CCSER1: variants seen among roughly 807,000 people sequenced by gnomAD.
CCSER1 encodes serine-rich coiled-coil domain-containing protein 1.
A neutral mutation model predicts 82.0 loss-of-function variants in CCSER1; 41 were observed. That is an observed-to-expected ratio of 0.50 (90% CI 0.39 to 0.65). The LOEUF (loss-of-function observed/expected upper bound fraction) is 0.65, where lower values mean the gene tolerates loss of function less well. CCSER1 is among the 30% of genes least tolerant of loss of function. The probability of loss-of-function intolerance (pLI) is 0.00; values close to 1 mark genes in which losing one functional copy is unlikely to be tolerated. For missense variants in CCSER1, 1,119 were observed against 1,064.2 expected (o/e 1.05, Z -0.72); for synonymous variants, 414 against 383.9 (o/e 1.08, Z -0.92).
intron 1 of CCSER1, among the ~76,000 whole-genome samples, chr4:90,259,871 A>C (rs1388786742): frequency 6.6e-6 from 1 of 152,030 alleles, no homozygotes; most frequent in Admixed American, 6.6e-5. Flanking sequence ...GTGAGCTAGT[A>C]TTTTGTTGAT....
At chr4:90,361,282 T>C (rs1291934196) in intron 3 of CCSER1, among the ~76,000 whole-genome samples, 2 of 152,228 alleles carry the variant, frequency 1.3e-5, no homozygotes, top group Non-Finnish European at 2.9e-5. Flanking sequence ...TATTAGCAAC[T>C]ATTGTGAGTG....
intron 10 of CCSER1, among the ~76,000 whole-genome samples, chr4:91,189,262 T>G (rs1331168371): frequency 6.6e-6 from 1 of 152,198 alleles, no homozygotes; most frequent in Non-Finnish European, 1.5e-5. Context: ...AACTGTTACC[T>G]TTTCTTTATT....
At chr4:91,309,661 G>T (rs1055260141) in intron 10 of CCSER1, among the ~76,000 whole-genome samples, 6 of 151,952 alleles carry the variant, frequency 3.9e-5, no homozygotes, top group African/African-American at 1.4e-4. Context: ...TACTCTACAA[G>T]GAACAACCAA....
intron 10 of CCSER1, among the ~76,000 whole-genome samples, chr4:91,089,946 G>A (rs1027315480): frequency 1.3e-5 from 2 of 152,138 alleles, no homozygotes. Context: ...AGTCTATTTT[G>A]GTAGATAGTA....
chr4:91,257,269 GT>G (rs1472239966), intron 10 of CCSER1, among the ~76,000 whole-genome samples: 1 of 152,006 alleles, frequency 6.6e-6, no homozygotes, highest in Non-Finnish European at 1.5e-5. Context: ...ACGTCCCAAA[GT>G]AGTCCACTAA....
intron 10 of CCSER1, among the ~76,000 whole-genome samples, chr4:91,211,335 A>G (rs1370494747): frequency 6.6e-6 from 1 of 152,046 alleles, no homozygotes; most frequent in African/African-American, 2.4e-5. Flanking sequence ...TCGAGTGTGT[A>G]GGAAAGACAG....
At chr4:91,231,084 T>C (rs1560532193) in intron 10 of CCSER1, among the ~76,000 whole-genome samples, 1 of 151,892 alleles carries the variant, frequency 6.6e-6, no homozygotes. Flanking sequence ...TTGATTTAGC[T>C]ACCATATTAA....
At chr4:91,266,894 T>C (rs1011341792) in intron 10 of CCSER1, among the ~76,000 whole-genome samples, 5 of 152,192 alleles carry the variant, frequency 3.3e-5, no homozygotes, top group Non-Finnish European at 7.3e-5. Flanking sequence ...TTTGAACCAT[T>C]TCACTTTCAG....
At chr4:91,508,343 A>C (rs921627821) in intron 10 of CCSER1, among the ~76,000 whole-genome samples, 2 of 151,706 alleles carry the variant, frequency 1.3e-5, no homozygotes, top group Non-Finnish European at 2.9e-5. Context: ...AATATCTTAT[A>C]GCATCTATTG....
intron 6 of CCSER1, among the ~76,000 whole-genome samples, chr4:90,685,835 T>A (rs1159805669): frequency 1.3e-5 from 2 of 152,188 alleles, no homozygotes; most frequent in Non-Finnish European, 2.9e-5. Flanking sequence ...GGTTTGATAG[T>A]CAACTAAATC....
At position 90,628,246 on chromosome 4, in the gene CCSER1, C is replaced by T; in HGVS notation, c.1932+14C>T. Reference sequence around the variant, plus strand: ...GTTCTTCAAGAGGTAATGGTTTCCTCTAAGATTAATGTCCTTCAGTGCTGG... The same window carrying T: ...GTTCTTCAAGAGGTAATGGTTTCCTTTAAGATTAATGTCCTTCAGTGCTGG... On this transcript the variant is annotated intron_variant, in intron 6 of 10. Coordinates refer to ENST00000509176, the MANE Select transcript of CCSER1 (RefSeq NM_001145065.2). The T allele has an allele frequency of 1.9e-6, 3 of 1,602,686 alleles. No homozygotes were observed. Among genetic ancestry groups the T allele is most frequent in the East Asian group, 2.2e-5 (1 of 44,810 alleles).
At chr4:90,985,736 C>T (rs775355695) in intron 9 of CCSER1, among the ~76,000 whole-genome samples, 11 of 151,434 alleles carry the variant, frequency 7.3e-5, no homozygotes, top group South Asian at 2.1e-4. Context: ...AATTTTAATT[C>T]GCTGGCTAAT....
chr4:91,085,820 C>T (rs1394979699), intron 9 of CCSER1, 130 bp from the exon 10 acceptor site: 2 of 626,550 alleles, frequency 3.2e-6, no homozygotes, highest in East Asian at 5.6e-5. Flanking sequence ...ATGAGATAGT[C>T]ATCTATATTC....
intron 3 of CCSER1, among the ~76,000 whole-genome samples, chr4:90,368,729 A>C (rs1204365034): frequency 2.0e-5 from 3 of 151,890 alleles, no homozygotes; most frequent in Non-Finnish European, 2.9e-5. Flanking sequence ...CGCCTTCCTT[A>C]TCTCTGTTTT....
intron 8 of CCSER1, among the ~76,000 whole-genome samples, chr4:90,871,080 C>T (rs7692895): frequency 0.3 from 31,480 of 105,922 alleles, 3,721 homozygotes; most frequent in African/African-American, 0.44. Flanking sequence ...CTCTTTTTTT[C>T]TTAGACTTTT....
chr4:90,687,092 C>A (rs902674739), intron 6 of CCSER1, among the ~76,000 whole-genome samples: 14 of 152,280 alleles, frequency 9.2e-5, no homozygotes, highest in Admixed American at 8.5e-4. Flanking sequence ...AAGATATTTA[C>A]AATGACTAGA....
chr4:90,838,848 A>T, intron 8 of CCSER1: 3 of 1,608,000 alleles, frequency 1.9e-6, no homozygotes, highest in Non-Finnish European at 2.6e-6. Flanking sequence ...AAAGAAGTAA[A>T]ATAAGAAGGC....
At chr4:90,481,913 T>G (rs550908891) in intron 5 of CCSER1, among the ~76,000 whole-genome samples, 1 of 152,340 alleles carries the variant, frequency 6.6e-6, no homozygotes, top group Non-Finnish European at 1.5e-5. Flanking sequence ...ATTCCCTCTT[T>G]TTCTATTGAT....
At chr4:91,087,615 A>T (rs1723516733) in intron 10 of CCSER1, among the ~76,000 whole-genome samples, 1 of 152,126 alleles carries the variant, frequency 6.6e-6, no homozygotes, top group Admixed American at 6.6e-5. Flanking sequence ...TAATGTATAC[A>T]TCTCCATAGA....
Sources: allele counts gnomAD v4.1 joint callset (sites outside exome capture counted in the v4.1 genomes callset), GRCh38; gene constraint gnomAD v4.1.1; transcripts MANE v1.5; gene names NCBI Gene and HGNC (gene_info 2026-07-23, HGNC 2026-07-21).